COL4A2: variants seen among roughly 807,000 people sequenced by gnomAD.
COL4A2 encodes collagen alpha-2(IV) chain.
In COL4A2, 99 loss-of-function variants were observed where a neutral mutation model predicts 200.2. The observed-to-expected ratio is 0.49, with a 90% confidence interval of 0.42 to 0.58. The LOEUF (loss-of-function observed/expected upper bound fraction) is 0.58, where lower values mean the gene tolerates loss of function less well. Ranked by LOEUF, COL4A2 falls within the 20% of genes least tolerant of loss-of-function variation. The probability of loss-of-function intolerance (pLI) is 0.00; values close to 1 mark genes in which losing one functional copy is unlikely to be tolerated. For missense variants in COL4A2, 1,950 were observed against 2,314.1 expected (o/e 0.84, Z 3.23); for synonymous variants, 897 against 900.6 (o/e 1.00, Z 0.07).
intron 40 of COL4A2, among the ~76,000 whole-genome samples, chr13:110,495,721 A>G (rs1883433299): frequency 6.6e-6 from 1 of 152,216 alleles, no homozygotes; most frequent in African/African-American, 2.4e-5. Context: ...TCCCTGGCCT[A>G]GAGACCCCAT....
chr13:110,448,326 C>T (rs572195196), intron 18 of COL4A2, among the ~76,000 whole-genome samples: 17 of 152,358 alleles, frequency 1.1e-4, no homozygotes, highest in Non-Finnish European at 2.1e-4. Flanking sequence ...TCCCTTCTCA[C>T]CGTACTATAT....
chr13:110,483,139 C>G (rs950660333), intron 32 of COL4A2, among the ~76,000 whole-genome samples: 8 of 152,260 alleles, frequency 5.3e-5, no homozygotes, highest in African/African-American at 1.9e-4. Context: ...CTCAAGACCC[C>G]CCACGTAAGG....
intron 30 of COL4A2, among the ~76,000 whole-genome samples, chr13:110,478,554 A>C (rs1882780607): frequency 1.3e-5 from 2 of 152,170 alleles, no homozygotes; most frequent in Admixed American, 1.3e-4. Context: ...GGAGCAGAGG[A>C]GCGGGGAGGG....
chr13:110,383,864 G>A (rs907096822), intron 4 of COL4A2, among the ~76,000 whole-genome samples: 2 of 151,980 alleles, frequency 1.3e-5, no homozygotes, highest in Non-Finnish European at 2.9e-5. Context: ...TGACCACCTC[G>A]GCCTCCCGAA....
intron 3 of COL4A2, among the ~76,000 whole-genome samples, chr13:110,333,760 G>A (rs945175707): frequency 3.9e-5 from 6 of 152,022 alleles, no homozygotes; most frequent in African/African-American, 1.5e-4. Flanking sequence ...TTTTATTCTG[G>A]GCCTTGGGCA....
intron 3 of COL4A2, among the ~76,000 whole-genome samples, chr13:110,327,234 G>A (rs1944772984): frequency 6.6e-6 from 1 of 152,172 alleles, no homozygotes; most frequent in African/African-American, 2.4e-5. Flanking sequence ...CCCCACCCAT[G>A]GAATTTGGGC....
At chr13:110,341,142 A>T (rs918340431) in intron 3 of COL4A2, 2 of 152,342 alleles carry the variant, frequency 1.3e-5, no homozygotes, top group East Asian at 3.8e-4. Flanking sequence ...TTCACTGAGC[A>T]GGTCGGTGGC....
chr13:110,380,724 C>T (rs892126372), intron 4 of COL4A2, among the ~76,000 whole-genome samples: 6 of 150,962 alleles, frequency 4.0e-5, no homozygotes, highest in African/African-American at 1.5e-4. Context: ...CTCACACCCA[C>T]GTGCTCTATC....
At chr13:110,311,601 T>C (rs931213718) in intron 3 of COL4A2, among the ~76,000 whole-genome samples, 1 of 152,178 alleles carries the variant, frequency 6.6e-6, no homozygotes, top group Non-Finnish European at 1.5e-5. Flanking sequence ...TTGGAGGGTC[T>C]GGCACAGCCT....
chr13:110,404,431 A>T (rs1476843729), intron 4 of COL4A2, among the ~76,000 whole-genome samples: 1 of 152,202 alleles, frequency 6.6e-6, no homozygotes, highest in South Asian at 2.1e-4. Flanking sequence ...GCAGACTTGT[A>T]TCAGGCAGCT....
intron 3 of COL4A2, among the ~76,000 whole-genome samples, chr13:110,330,230 G>C (rs1278548114): frequency 1.3e-5 from 2 of 152,158 alleles, no homozygotes; most frequent in Non-Finnish European, 2.9e-5. Flanking sequence ...GCTAAATAAA[G>C]GAATTTTCGG....
intron 14 of COL4A2, 77 bp from the exon 15 acceptor site, chr13:110,438,541 G>A: frequency 1.3e-6 from 2 of 1,561,460 alleles, no homozygotes. Context: ...TCCTGGAGCA[G>A]AGGATGACAC....
intron 3 of COL4A2, among the ~76,000 whole-genome samples, chr13:110,353,994 T>G (rs1877078797): frequency 6.6e-6 from 1 of 152,182 alleles, no homozygotes; most frequent in South Asian, 2.1e-4. Context: ...TTTGAGTGGG[T>G]TATGAATAAC....
At position 110,316,876 on chromosome 13, in the gene COL4A2, G is replaced by T. The variant is rs1039175866; in HGVS notation, c.99+8753G>T. Among the ~76,000 whole-genome samples the T allele has an allele frequency of 5.5e-4, 83 of 152,064 alleles. No individual in the cohort carries two copies. The East Asian group carries it at 0.012, about 21-fold the overall frequency. On this transcript the variant is annotated intron_variant, in intron 3 of 47. Transcript: ENST00000360467. ...ATACACGTCAAAATACAGAAATTGTGGTACATGTAAAACATAGATATGTAT... is the reference window on the plus strand; with the variant it reads ...ATACACGTCAAAATACAGAAATTGTTGTACATGTAAAACATAGATATGTAT...
chr13:110,458,698 T>G, intron 21 of COL4A2, 73 bp from the exon 22 acceptor site: 1 of 1,592,426 alleles, frequency 6.3e-7, no homozygotes, highest in East Asian at 2.2e-5. Context: ...CTCTCCCCGC[T>G]GCCTGATACC....
At chr13:110,317,201 C>A (rs1885157375) in intron 3 of COL4A2, among the ~76,000 whole-genome samples, 1 of 147,572 alleles carries the variant, frequency 6.8e-6, no homozygotes, top group African/African-American at 2.5e-5. Flanking sequence ...CACACATAGA[C>A]ACACACGTGC....
intron 11 of COL4A2, 29 bp downstream of exon 11, chr13:110,432,389 G>T: frequency 6.3e-7 from 1 of 1,594,144 alleles, no homozygotes; most frequent in South Asian, 1.1e-5. Flanking sequence ...GTGAGGATGA[G>T]GGAAGGGGGT....
chr13:110,405,859 G>A (rs1879548147), intron 4 of COL4A2, among the ~76,000 whole-genome samples: 1 of 152,158 alleles, frequency 6.6e-6, no homozygotes, highest in Admixed American at 6.5e-5. Flanking sequence ...GGAACCTGCT[G>A]GTATCAGCCC....
chr13:110,340,873 G>C (rs1876416924), intron 3 of COL4A2: 1 of 152,260 alleles, frequency 6.6e-6, no homozygotes, highest in Admixed American at 6.5e-5. Flanking sequence ...GGGGACTTCA[G>C]AGGACTCTGT....
Sources: gnomAD v4.1 joint callset for allele counts (sites outside exome capture counted in the v4.1 genomes callset) on GRCh38, gnomAD v4.1.1 for gene constraint, MANE v1.5 for transcripts, NCBI Gene and HGNC (gene_info 2026-07-23, HGNC 2026-07-21) for gene names.